Variants in INSR observed in about 807,000 individuals in gnomAD.
INSR encodes IR.
In INSR, 67 loss-of-function variants were observed where a neutral mutation model predicts 142.6. That is an observed-to-expected ratio of 0.47 (90% CI 0.39 to 0.58). The LOEUF is 0.58. INSR is among the 20% of genes least tolerant of loss of function. The pLI is 0.00. For synonymous variants in INSR, 756 were observed against 743.1 expected (o/e 1.02, Z -0.28); for missense variants, 1,248 against 1,833.2 (o/e 0.68, Z 5.83).
chr19:7,132,264 C>T lies in INSR; in HGVS notation c.2736G>A (p.Arg912=), dbSNP rs147125937. The T allele has an allele frequency of 2.5e-4, 400 of 1,614,226 alleles. 1 individual carries two copies. The African/African-American group carries it at 4.8e-3, about 19-fold the overall frequency. ...RKHFALERGC[R]LRGLSPGNYS... The stretch of plus-strand genomic sequence containing the variant: ...AGTTCCCCGGTGACAGCCCACGCAG[C>T]CTGCAGCCCCGTTCCAGAGCGAAGT... Residue 912 remains arginine, a synonymous_variant, in exon 14 of 22, where the codon AGG becomes AGA. Transcript: ENST00000302850.
intron 9 of INSR, among the ~76,000 whole-genome samples, chr19:7,157,523 A>G (rs971961161): frequency 6.8e-6 from 1 of 146,510 alleles, no homozygotes; most frequent in Non-Finnish European, 1.5e-5. Context: ...TTGGCCTCCC[A>G]AAGTGCTGGG....
Position 7,197,514 on chromosome 19 carries a change from G to GTGTGTGTGTGT in INSR, c.653-12878_653-12877insACACACACACA, listed in dbSNP as rs1974787439. Among the ~76,000 whole-genome samples, 4 of 26,948 alleles carry GTGTGTGTGTGT rather than the reference G, an allele frequency of 1.5e-4. 1 individual carries two copies. Among genetic ancestry groups the GTGTGTGTGTGT allele is most frequent in the African/African-American group, 3.0e-4 (3 of 9,840 alleles). 17.7% of individuals were successfully genotyped at this position (26,948 alleles called of 152,430 possible). A position where few individuals can be genotyped will look rare whatever the true frequency, so the allele number is the denominator to read the frequency against. ...ATTGGCAGGTTCCAGAGTGGGAGTG[G>GTGTGTGTGTGT]GGGTGTGTGTGTGTGTGTGTGTGTG... On this transcript the variant is annotated intron_variant, in intron 2 of 21. Coordinates refer to ENST00000302850, the MANE Select transcript of INSR (RefSeq NM_000208.4).
At position 7,286,369 on chromosome 19, in the gene INSR, G is replaced by A. The variant is rs370636101; in HGVS notation, c.100+7423C>T. ...ATGAATGGAATGCTTTTGGGGACAG[G>A]GGGACAAGATTTTTTTTTATTATTT... On this transcript the variant is annotated intron_variant, in intron 1 of 21. Coordinates refer to ENST00000302850, the MANE Select transcript of INSR (RefSeq NM_000208.4). Among the ~76,000 whole-genome samples, 3 of 151,906 alleles carry A rather than the reference G, an allele frequency of 2.0e-5. No homozygotes were observed. The East Asian group carries it at 5.8e-4, about 29-fold the overall frequency.
At chr19:7,140,778 T>C (rs962535037) in intron 13 of INSR, among the ~76,000 whole-genome samples, 1 of 151,982 alleles carries the variant, frequency 6.6e-6, no homozygotes, top group African/African-American at 2.4e-5. Flanking sequence ...CGGCCCTTTT[T>C]TTTTTTTTGC....
chr19:7,266,960 A>G lies in INSR; in HGVS notation c.652+385T>C, dbSNP rs540124353. On this transcript the variant is annotated intron_variant, in intron 2 of 21. Transcript: ENST00000302850. ...GTTTTCCACTCCTTTTCCTCTCCCA[A>G]GCAAGAAGAACATTCACTGACTAGC... Among the ~76,000 whole-genome samples, 9 of 152,270 alleles carry G rather than the reference A, an allele frequency of 5.9e-5. 2 individuals carry two copies. The highest frequency in any genetic ancestry group is 1.9e-4 in the African/African-American group (8 of 41,550).
rs1411048837 is a variant in INSR, at chr19:7,163,948, A to AAAAAAAAAAAAAAAAAAAAAT, written c.1862-750_1862-749insATTTTTTTTTTTTTTTTTTTT. On this transcript the variant is annotated intron_variant, in intron 8 of 21. Transcript: ENST00000302850. ...ACTAAAAAAAAAAAAAAAAAAAAAA[A>AAAAAAAAAAAAAAAAAAAAAT]ATTAGCTGGACATGGTGGTGGGCGC... 3.6e-4 allele frequency among the ~76,000 whole-genome samples: 49 copies of AAAAAAAAAAAAAAAAAAAAAT among 136,048 alleles called. 3 individuals carry two copies. Among genetic ancestry groups the AAAAAAAAAAAAAAAAAAAAAT allele is most frequent in the African/African-American group, 1.5e-3 (46 of 31,672 alleles). 89.3% of individuals were successfully genotyped at this position (136,048 alleles called of 152,430 possible).
At chr19:7,200,939 G>A (rs1407301096) in intron 2 of INSR, among the ~76,000 whole-genome samples, 1 of 151,222 alleles carries the variant, frequency 6.6e-6, no homozygotes, top group South Asian at 2.1e-4. Flanking sequence ...CCGAGTCACA[G>A]CTCTAACCAC....
In INSR at chr19:7,267,756, G is replaced by A; in HGVS notation, c.241C>T (p.Leu81Phe). 6.2e-7 allele frequency: 1 copy of A among 1,614,182 alleles called. No individual in the cohort carries two copies. The highest frequency in any genetic ancestry group is 1.1e-5 in the South Asian group (1 of 91,080). The part of the protein sequence containing the change: ...EDFRDLSFPK[L>F]IMITDYLLLF... ...AGCAAGTAATCAGTGATCATGATGA[G>A]TTTGGGGAAACTGAGGTCTCGGAAA... Residue 81 changes from leucine to phenylalanine, a missense_variant, in exon 2 of 22, where the codon CTC (leucine) becomes TTC (phenylalanine). Leu to Phe is a conservative substitution (Grantham distance 22). Coordinates refer to ENST00000302850, the MANE Select transcript of INSR (RefSeq NM_000208.4). The surrounding 1 kb of genome is among the most constrained non-coding windows in gnomAD (Gnocchi z 6.3).
At chr19:7,260,117 A>G (rs999540951) in intron 2 of INSR, among the ~76,000 whole-genome samples, 14 of 152,246 alleles carry the variant, frequency 9.2e-5, no homozygotes, top group African/African-American at 3.4e-4. Flanking sequence ...CTCCAAGAGC[A>G]TGCATTTAAA....
At chr19:7,217,555 C>CT (rs1406916082) in intron 2 of INSR, among the ~76,000 whole-genome samples, 1 of 152,128 alleles carries the variant, frequency 6.6e-6, no homozygotes, top group Non-Finnish European at 1.5e-5. Flanking sequence ...CGAGTGATAT[C>CT]TTTTTTCTTT....
At chr19:7,164,785 C>T (rs1186547627) in intron 8 of INSR, among the ~76,000 whole-genome samples, 3 of 133,160 alleles carry the variant, frequency 2.3e-5, no homozygotes, top group Admixed American at 8.5e-5. Flanking sequence ...GAGATAGGGC[C>T]ATTGCACTCC....
At chr19:7,169,492 C>T (rs951663844) in intron 6 of INSR, among the ~76,000 whole-genome samples, 1 of 150,758 alleles carries the variant, frequency 6.6e-6, no homozygotes, top group African/African-American at 2.5e-5. Flanking sequence ...GAGATAATTA[C>T]CTGAACCCAG....
chr19:7,138,413 C>T (rs989974580), intron 13 of INSR, among the ~76,000 whole-genome samples: 5 of 152,186 alleles, frequency 3.3e-5, no homozygotes, highest in African/African-American at 1.2e-4. Context: ...CTTGCTCTGT[C>T]ACCCAGTCTG....
In INSR at chr19:7,166,032, T is replaced by TAAAAA; in HGVS notation, c.1861+117_1861+121dup. 2.1e-6 allele frequency: 2 copies of TAAAAA among 968,056 alleles called. No individual in the cohort carries two copies. The highest frequency in any genetic ancestry group is 3.0e-6 in the Non-Finnish European group (2 of 659,906). The allele number at this position is 968,056 out of a possible 1,614,324, so 60.0% of individuals were successfully genotyped here. ...CTGGGTGACAAAGTAAGACCCTGTCTAAAAAAAAAAAAAAAGCCAATAACC... is the reference window on the plus strand; with the variant it reads ...CTGGGTGACAAAGTAAGACCCTGTCTAAAAAAAAAAAAAAAAAAAAGCCAATAACC... On this transcript the variant is annotated intron_variant, in intron 8 of 21. Transcript: ENST00000302850. The surrounding 1 kb of genome is among the most constrained non-coding windows in gnomAD (Gnocchi z 4.1).
chr19:7,202,824 T>G (rs1022291250), intron 2 of INSR, among the ~76,000 whole-genome samples: 8 of 152,116 alleles, frequency 5.3e-5, no homozygotes, highest in African/African-American at 1.9e-4. Context: ...TTGTTTTTGT[T>G]TTTTTGGTTT....
chr19:7,232,321 C>T (rs150526015), intron 2 of INSR, among the ~76,000 whole-genome samples: 17 of 152,094 alleles, frequency 1.1e-4, no homozygotes, highest in Admixed American at 2.6e-4. Context: ...AAGCGATTCT[C>T]CTGCCTCAGC....
At chr19:7,127,446 A>T (rs1020956992) in intron 15 of INSR, among the ~76,000 whole-genome samples, 1 of 152,196 alleles carries the variant, frequency 6.6e-6, no homozygotes, top group Admixed American at 6.5e-5. Flanking sequence ...CAAAGACAAT[A>T]CATGTTCAAA....
At chr19:7,145,750 T>C (rs1304656321) in intron 11 of INSR, among the ~76,000 whole-genome samples, 1 of 152,228 alleles carries the variant, frequency 6.6e-6, no homozygotes, top group Admixed American at 6.5e-5. Flanking sequence ...GCTCTGCAAA[T>C]AGCAATGACT....
At chr19:7,171,745 C>T (rs1974019216) in intron 5 of INSR, among the ~76,000 whole-genome samples, 1 of 152,134 alleles carries the variant, frequency 6.6e-6, no homozygotes, top group South Asian at 2.1e-4. Context: ...GCTGCTCCCA[C>T]TTTTGTTTCT....
Sources: allele counts gnomAD v4.1 joint callset (sites outside exome capture counted in the v4.1 genomes callset), GRCh38; gene constraint gnomAD v4.1.1; non-coding constraint Gnocchi (gnomAD v3.1); transcripts MANE v1.5; gene names NCBI Gene and HGNC (gene_info 2026-07-23, HGNC 2026-07-21).